Variants in RP1 observed in about 807,000 individuals in gnomAD.
RP1 encodes the protein RP1 axonemal microtubule associated, also known as oxygen-regulated protein 1.
Under a neutral mutation model 14.8 loss-of-function variants are expected in RP1, and 16 were observed. The ratio of observed to expected loss-of-function variants is 1.08; its 90% confidence interval spans 0.73 to 1.65. The LOEUF (loss-of-function observed/expected upper bound fraction) is 1.65, where lower values mean the gene tolerates loss of function less well. Among genes scored for constraint, RP1 ranks in the 40% most tolerant of loss-of-function variants. The pLI is 0.00. For missense variants in RP1, 2,631 were observed against 2,535.0 expected (o/e 1.04, Z -0.81); for synonymous variants, 876 against 883.6 (o/e 0.99, Z 0.15).
intron 21 of RP1, among the ~76,000 whole-genome samples, chr8:54,756,685 T>C (rs1792875520): frequency 6.6e-6 from 1 of 152,210 alleles, no homozygotes; most frequent in African/African-American, 2.4e-5. Flanking sequence ...ATCAGCGAAG[T>C]GATCTCCTAC....
chr8:54,836,906 T>C (rs1274859363), intron 24 of RP1, among the ~76,000 whole-genome samples: 1 of 152,248 alleles, frequency 6.6e-6, no homozygotes, highest in Non-Finnish European at 1.5e-5. Context: ...AGAAAAATAT[T>C]GCTTATTCTG....
exon 7 of RP1, chr8:54,663,745 T>C: frequency 2.0e-6 from 3 of 1,534,708 alleles, no homozygotes; most frequent in South Asian, 1.2e-5. Flanking sequence ...TATGGAATGC[T>C]GGAACAGTAG....
intron 28 of RP1, among the ~76,000 whole-genome samples, chr8:54,867,602 C>T (rs1385182090): frequency 1.3e-5 from 2 of 152,036 alleles, no homozygotes; most frequent in Admixed American, 6.6e-5. Flanking sequence ...ACAAAAGTGT[C>T]CTGCAATTAT....
intron 27 of RP1, among the ~76,000 whole-genome samples, chr8:54,864,487 T>TC (rs1585758409): frequency 6.6e-6 from 1 of 152,340 alleles, no homozygotes. Flanking sequence ...TTTTATTTTT[T>TC]ATAGCCATTT....
chr8:54,769,835 C>G, exon 23 of RP1: 1 of 1,465,538 alleles, frequency 6.8e-7, no homozygotes, highest in South Asian at 1.2e-5. Context: ...GAAGAAAGTA[C>G]AAGATGATTT....
chr8:54,669,028 G>A (rs1046980072), intron 7 of RP1, among the ~76,000 whole-genome samples: 1 of 152,030 alleles, frequency 6.6e-6, no homozygotes, highest in Non-Finnish European at 1.5e-5. Flanking sequence ...TAGACAAATG[G>A]GATGTAATTA....
chr8:54,816,500 CAATCTA>C (rs1191391394), intron 24 of RP1, among the ~76,000 whole-genome samples: 1 of 152,176 alleles, frequency 6.6e-6, no homozygotes. Context: ...GGTGGAATTT[CAATCTA>C]AGAAACTGAG....
intron 1 of RP1, among the ~76,000 whole-genome samples, chr8:54,588,997 G>A (rs1026723592): frequency 1.3e-5 from 2 of 152,090 alleles, no homozygotes; most frequent in Non-Finnish European, 2.9e-5. Flanking sequence ...TAATAAATGG[G>A]GGCCTTTAGA....
At chr8:54,836,625 G>T (rs1397484955) in intron 24 of RP1, among the ~76,000 whole-genome samples, 2 of 152,168 alleles carry the variant, frequency 1.3e-5, no homozygotes, top group Non-Finnish European at 2.9e-5. Context: ...TGCTAACAGC[G>T]TGAATAAGCT....
chr8:54,715,562 A>G (rs1329779753), intron 15 of RP1, among the ~76,000 whole-genome samples: 2 of 152,214 alleles, frequency 1.3e-5, no homozygotes, highest in Non-Finnish European at 2.9e-5. Context: ...ACAATAGTTA[A>G]TTGGTAATCC....
chr8:54,727,156 C>A (rs1808676871), intron 17 of RP1, among the ~76,000 whole-genome samples: 1 of 151,978 alleles, frequency 6.6e-6, no homozygotes, highest in African/African-American at 2.4e-5. Context: ...GCTAGCTTTT[C>A]TTTTAGATAG....
At chr8:54,708,291 A>G (rs1808198946) in intron 15 of RP1, among the ~76,000 whole-genome samples, 3 of 151,950 alleles carry the variant, frequency 2.0e-5, no homozygotes, top group Non-Finnish European at 2.9e-5. Flanking sequence ...CCAAAGGGAT[A>G]GCTCAGTGGT....
chr8:54,780,727 G>T (rs1037835432), intron 23 of RP1, among the ~76,000 whole-genome samples: 1 of 152,152 alleles, frequency 6.6e-6, no homozygotes, highest in Non-Finnish European at 1.5e-5. Context: ...ATGTGTGTAT[G>T]TTATACAGAA....
chr8:54,600,700 A>G (rs1007349147), intron 1 of RP1, among the ~76,000 whole-genome samples: 2 of 152,132 alleles, frequency 1.3e-5, no homozygotes, highest in Admixed American at 1.3e-4. Flanking sequence ...AGGCCTGGGT[A>G]TTTTCCTGTG....
chr8:54,580,272 A>G (rs2129296217), intron 1 of RP1, among the ~76,000 whole-genome samples: 1 of 147,788 alleles, frequency 6.8e-6, no homozygotes, highest in Middle Eastern at 3.6e-3. Context: ...CTTTCCAGAC[A>G]GTGGGAAGCT....
At chr8:54,685,843 C>T (rs1681755114) in intron 12 of RP1, among the ~76,000 whole-genome samples, 1 of 152,152 alleles carries the variant, frequency 6.6e-6, no homozygotes, top group Admixed American at 6.6e-5. Flanking sequence ...TCTGCATCTT[C>T]TATCCTTACT....
intron 12 of RP1, among the ~76,000 whole-genome samples, chr8:54,690,665 T>C (rs1807689754): frequency 6.6e-6 from 1 of 152,030 alleles, no homozygotes; most frequent in Non-Finnish European, 1.5e-5. Flanking sequence ...TTCTGGGATG[T>C]ATACTGTAAC....
At chr8:54,613,584 T>C (rs188807096), upstream of RP1, among the ~76,000 whole-genome samples, 21 of 152,198 alleles carry the variant, frequency 1.4e-4, no homozygotes, top group African/African-American at 4.1e-4. Context: ...GTATAGAGAG[T>C]ATATTTATAC....
intron 25 of RP1, among the ~76,000 whole-genome samples, chr8:54,840,861 G>A (rs1811775213): frequency 1.3e-5 from 2 of 151,982 alleles, no homozygotes; most frequent in Admixed American, 6.6e-5. Context: ...TTCTCCAGCA[G>A]AAGAATATAA....
Sources: gnomAD v4.1 joint callset for allele counts (sites outside exome capture counted in the v4.1 genomes callset) on GRCh38, gnomAD v4.1.1 for gene constraint, MANE v1.5 for transcripts, NCBI Gene and HGNC (gene_info 2026-07-23, HGNC 2026-07-21) for gene names.